Variants in ZNF317 observed in about 807,000 individuals in gnomAD.
ZNF317 encodes KRAB-containing zinc finger protein 317.
Under a neutral mutation model 23.4 loss-of-function variants are expected in ZNF317, and 17 were observed. That is an observed-to-expected ratio of 0.73 (90% CI 0.50 to 1.09). The LOEUF is 1.09. ZNF317 is among the 50% of genes least tolerant of loss of function. ZNF317 has a pLI of 0.00. For synonymous variants in ZNF317, 317 were observed against 314.9 expected, an observed-to-expected ratio of 1.01 and a Z score of -0.07; for missense variants, 679 against 796.7, an observed-to-expected ratio of 0.85 and a Z score of 1.78.
At chr19:9,159,289 A>G (rs1301346308) in intron 6 of ZNF317, among the ~76,000 whole-genome samples, 2 of 152,038 alleles carry the variant, frequency 1.3e-5, no homozygotes, top group Non-Finnish European at 2.9e-5. Flanking sequence ...GCTCACTGCA[A>G]CCTCTGCCTC....
rs751212727 is a variant in ZNF317 at position 9,160,099 on chromosome 19, C to A, written c.469-15C>A. 2.5e-6 allele frequency: 4 copies of A among 1,613,328 alleles called. No homozygotes were observed. Among genetic ancestry groups the A allele is most frequent in the African/African-American group, 1.3e-5 (1 of 75,024 alleles). ...TGAGAATTGCCTTTGTCAGCACTTA[C>A]GTCTTAACCAACAGGAAAGAGCCGG... On this transcript the variant is annotated splice_polypyrimidine_tract_variant and intron_variant, in intron 6 of 6. Coordinates refer to ENST00000247956, the MANE Select transcript of ZNF317 (RefSeq NM_020933.5). This position sits in a 1 kb window ranked among gnomAD's most constrained non-coding sequence, Gnocchi z 6.8.
intron 4 of ZNF317, 159 bp downstream of exon 4, chr19:9,157,553 C>T (rs370733255): frequency 1.1e-5 from 10 of 913,222 alleles, no homozygotes; most frequent in African/African-American, 3.3e-5. Flanking sequence ...GGTATCGAGG[C>T]CCATCTATTG....
At chr19:9,158,146 A>T (rs2050806506) in intron 5 of ZNF317, 71 bp downstream of exon 5, 1 of 1,462,908 alleles carries the variant, frequency 6.8e-7, no homozygotes, top group Admixed American at 2.6e-5. Flanking sequence ...GGAGGGAGGT[A>T]GGTTAGGGAG....
intron 1 of ZNF317, among the ~76,000 whole-genome samples, chr19:9,151,351 T>A (rs1215210102): frequency 1.3e-5 from 2 of 152,220 alleles, no homozygotes; most frequent in African/African-American, 4.8e-5. Context: ...CCTATATTAT[T>A]GTTTTGAAAT....
chr19:9,142,868 C>T (rs1419679293), intron 1 of ZNF317, among the ~76,000 whole-genome samples: 1 of 152,076 alleles, frequency 6.6e-6, no homozygotes, highest in Admixed American at 6.6e-5. Flanking sequence ...TGGATCTATG[C>T]TTGAGTGAAA....
rs2050616616 is a variant in ZNF317, at chr19:9,140,434, C to T, written c.-251C>T. 1 of 450,262 alleles carries T rather than the reference C, an allele frequency of 2.2e-6. No homozygotes were observed. Among genetic ancestry groups the T allele is most frequent in the Non-Finnish European group, 4.5e-6 (1 of 224,036 alleles). 27.9% of individuals were successfully genotyped at this position (450,262 alleles called of 1,614,324 possible). On this transcript the variant is annotated 5_prime_UTR_variant, in exon 1 of 7. Coordinates refer to ENST00000247956, the MANE Select transcript of ZNF317 (RefSeq NM_020933.5). ...GCCATTACTCTCTGGAGTCGATTGC[C>T]CCGAGACACATGGGCCAAGGAGGGG...
intron 1 of ZNF317, among the ~76,000 whole-genome samples, chr19:9,154,785 G>A (rs1269268091): frequency 1.3e-5 from 2 of 152,152 alleles, no homozygotes; most frequent in African/African-American, 4.8e-5. Flanking sequence ...GTTAAAAACT[G>A]CCAAAGTGTT....
chr19:9,157,575 G>A (rs1204274688), intron 4 of ZNF317, 181 bp downstream of exon 4: 6 of 774,872 alleles, frequency 7.7e-6, no homozygotes, highest in Admixed American at 3.1e-5. Flanking sequence ...AGGGACCATG[G>A]TGGTTCTCCG....
At chr19:9,153,149 TTTG>T (rs760490263) in intron 1 of ZNF317, among the ~76,000 whole-genome samples, 4,094 of 84,822 alleles carry the variant, frequency 0.048, 57 homozygotes, top group Non-Finnish European at 0.056. Flanking sequence ...GGTAGTTGTT[TTTG>T]TTTGTTTGTT....
At chr19:9,156,848 G>A in intron 3 of ZNF317, 100 bp downstream of exon 3, 1 of 1,438,514 alleles carries the variant, frequency 7.0e-7, no homozygotes, top group Non-Finnish European at 9.4e-7. Flanking sequence ...CTCAGCCAGT[G>A]GATGCCAGAA....
rs1309731234 is a variant in ZNF317, at chr19:9,156,715, T to C, written c.129T>C (p.Gly43=). The change falls in exon 3 of 7, where the codon GGT becomes GGC. Residue 43 remains glycine (G), a synonymous_variant. Transcript: ENST00000247956. ...ATTTGGACCTGTTCGTGTGCAGTGG[T>C]CTGGAGCCTCACACACCCAGTGTTG... is the stretch of plus-strand genomic sequence containing the variant. The part of the protein sequence containing the change: ...PQNLDLFVCS[G]LEPHTPSVGS... 3 of 1,614,028 alleles carry C rather than the reference T, an allele frequency of 1.9e-6. No homozygotes were observed. The highest frequency in any genetic ancestry group is 2.5e-6 in the Non-Finnish European group (3 of 1,180,032).
Position 9,160,770 on chromosome 19 carries a change from C to T in ZNF317, c.1125C>T (p.Ser375=). 1 of 1,613,916 alleles carries T rather than the reference C, an allele frequency of 6.2e-7. No individual in the cohort carries two copies. The highest frequency in any genetic ancestry group is 8.5e-7 in the Non-Finnish European group (1 of 1,179,966). Residue 375 remains serine (S), a synonymous_variant, in exon 7 of 7, where the codon TCC becomes TCT. Transcript: ENST00000247956. The surrounding 1 kb of genome is among the most constrained non-coding windows in gnomAD (Gnocchi z 6.8). ...GCGGCAAAGCCTTCCGCTGGAAGTC[C>T]AACTTTAATTTGCACAAGAAGAACC... ...TQCGKAFRWK[S]NFNLHKKNHM...
At position 9,161,584 on chromosome 19, in the gene ZNF317, A is replaced by G; in HGVS notation, c.*151A>G. ...AGTTCCTGTAAAAACTGGGAAGACG[A>G]GGCGTTCTCATCCCATAGGAGGTTT... On this transcript the variant is annotated 3_prime_UTR_variant, in exon 7 of 7. Transcript: ENST00000247956. This position sits in a 1 kb window ranked among gnomAD's most constrained non-coding sequence, Gnocchi z 4.0. 8.4e-7 allele frequency: 1 copy of G among 1,190,460 alleles called. No individual in the cohort carries two copies. The highest frequency in any genetic ancestry group is 2.6e-5 in the Admixed American group (1 of 38,952). The allele number at this position is 1,190,460 out of a possible 1,614,324, so 73.7% of individuals were successfully genotyped here. A position where few individuals can be genotyped will look rare whatever the true frequency, so the allele number is the denominator to read the frequency against.
At chr19:9,158,181 G>A in intron 5 of ZNF317, 106 bp downstream of exon 5, 1 of 1,353,266 alleles carries the variant, frequency 7.4e-7, no homozygotes, top group Non-Finnish European at 9.7e-7. Flanking sequence ...ATTGAGAGAT[G>A]CTCCTTCCCT....
chr19:9,148,675 G>T (rs1315365121), intron 1 of ZNF317, among the ~76,000 whole-genome samples: 1 of 151,330 alleles, frequency 6.6e-6, no homozygotes, highest in African/African-American at 2.4e-5. Flanking sequence ...CACTGGAATG[G>T]TGAATGAAAT....
At chr19:9,155,897 A>T in intron 1 of ZNF317, 28 bp from the exon 2 acceptor site, 1 of 1,262,734 alleles carries the variant, frequency 7.9e-7, no homozygotes, top group Non-Finnish European at 1.2e-6. Context: ...GCCTTTCACT[A>T]CTCCCGATGT....
Position 9,161,016 on chromosome 19 carries a change from G to A in ZNF317, c.1371G>A (p.Ala457=), listed in dbSNP as rs775432032. The change falls in exon 7 of 7, where the codon GCG becomes GCA. Residue 457 remains alanine (A), a synonymous_variant. Coordinates refer to ENST00000247956, the MANE Select transcript of ZNF317 (RefSeq NM_020933.5). This position sits in a 1 kb window ranked among gnomAD's most constrained non-coding sequence, Gnocchi z 4.0. ...ATCTCTGCGGGAAAGCTTTCAGCGC[G>A]AGTTCAAACCTCACCGCACACAGGA... is the stretch of plus-strand genomic sequence containing the variant. The part of the protein sequence containing the change: ...GCDLCGKAFS[A]SSNLTAHRKI... 10 of 1,613,836 alleles carry A rather than the reference G, an allele frequency of 6.2e-6. No individual in the cohort carries two copies. The highest frequency in any genetic ancestry group is 2.2e-5 in the East Asian group (1 of 44,852).
chr19:9,141,529 G>A (rs573917596), intron 1 of ZNF317, among the ~76,000 whole-genome samples: 6 of 152,224 alleles, frequency 3.9e-5, no homozygotes, highest in African/African-American at 1.4e-4. Flanking sequence ...ATCTTTTTCT[G>A]TATTGATTCA....
Position 9,161,184 on chromosome 19 carries a change from C to A in ZNF317, c.1539C>A (p.Asn513Lys). 1 of 1,614,170 alleles carries A rather than the reference C, an allele frequency of 6.2e-7. No homozygotes were observed. Among genetic ancestry groups the A allele is most frequent in the Non-Finnish European group, 8.5e-7 (1 of 1,180,040 alleles). ...ECRQCGKAFR[N>K]QSTLKTHMRS... Reference sequence around the variant, plus strand: ...GGCAGTGTGGCAAGGCCTTCAGGAACCAGTCAACGCTGAAGACGCACATGC... The same window carrying A: ...GGCAGTGTGGCAAGGCCTTCAGGAAACAGTCAACGCTGAAGACGCACATGC... The change falls in exon 7 of 7, where the codon AAC becomes AAA. Residue 513 changes from asparagine (N) to lysine (K), a missense_variant. Physicochemically the swap from Asn to Lys is moderately conservative, Grantham distance 94. Transcript: ENST00000247956. The surrounding 1 kb of genome is among the most constrained non-coding windows in gnomAD (Gnocchi z 4.0).
Sources: gnomAD v4.1 joint callset for allele counts (sites outside exome capture counted in the v4.1 genomes callset) on GRCh38, gnomAD v4.1.1 for gene constraint, Gnocchi (gnomAD v3.1) non-coding constraint, MANE v1.5 for transcripts, NCBI Gene and HGNC (gene_info 2026-07-23, HGNC 2026-07-21) for gene names.